The following DIXDC1 variants were observed in gnomAD, a reference collection of about 807,000 sequenced individuals.
DIXDC1 encodes the protein dixin.
In DIXDC1, 64 loss-of-function variants were observed where a neutral mutation model predicts 103.1. That is an observed-to-expected ratio of 0.62 (90% CI 0.51 to 0.76). DIXDC1 has a LOEUF of 0.76. DIXDC1 is among the 30% of genes least tolerant of loss of function. The probability of loss-of-function intolerance (pLI) is 0.00; values close to 1 mark genes in which losing one functional copy is unlikely to be tolerated. For synonymous variants in DIXDC1, 266 were observed against 298.5 expected (o/e 0.89, Z 1.12); for missense variants, 759 against 834.2 (o/e 0.91, Z 1.11).
chr11:111,983,713 G>C (rs1264028889), intron 7 of DIXDC1, among the ~76,000 whole-genome samples: 6 of 152,154 alleles, frequency 3.9e-5, no homozygotes, highest in African/African-American at 1.4e-4. Flanking sequence ...GGAGAAATTC[G>C]ATGGCAGATT....
upstream of DIXDC1, among the ~76,000 whole-genome samples, chr11:111,932,695 C>G (rs1365487664): frequency 6.6e-6 from 1 of 152,138 alleles, no homozygotes; most frequent in Non-Finnish European, 1.5e-5. Flanking sequence ...ACATCCTACT[C>G]TAGTCTTTCA....
chr11:111,979,520 A>T (rs1343108566), intron 5 of DIXDC1, among the ~76,000 whole-genome samples: 8 of 152,140 alleles, frequency 5.3e-5, no homozygotes, highest in African/African-American at 1.9e-4. Context: ...GTGCAAAGAG[A>T]GATGGCTCGA....
chr11:112,017,920 T>C lies in DIXDC1; in HGVS notation c.1971+35T>C, dbSNP rs1861646659. ...CTGTGGGGAGTCTGTATGGTATTAT[T>C]GGTCCTTTCTGAACCCTGAAGCCTC... On this transcript the variant is annotated intron_variant, in intron 19 of 19. Transcript: ENST00000440460. This position sits in a 1 kb window ranked among gnomAD's most constrained non-coding sequence, Gnocchi z 4.0. 2.6e-6 allele frequency: 4 copies of C among 1,531,266 alleles called. No homozygotes were observed. The highest frequency in any genetic ancestry group is 3.6e-6 in the Non-Finnish European group (4 of 1,121,186). The allele number at this position is 1,531,266 out of a possible 1,614,324, so 94.9% of individuals were successfully genotyped here.
At position 111,937,381 on chromosome 11, in the gene DIXDC1, G is replaced by C; in HGVS notation, c.-119G>C. On this transcript the variant is annotated 5_prime_UTR_variant, in exon 1 of 20. Coordinates refer to ENST00000440460, the MANE Select transcript of DIXDC1 (RefSeq NM_001037954.4). ...TCTAGGTTTCCAGTAAGTGGCATGC[G>C]GGACTCCGGAGGGATCCCAATGAGC... is the stretch of plus-strand genomic sequence containing the variant. The C allele has an allele frequency of 1.4e-6, 2 of 1,460,322 alleles. No individual in the cohort carries two copies. Among genetic ancestry groups the C allele is most frequent in the Non-Finnish European group, 9.0e-7 (1 of 1,105,694 alleles). 90.5% of individuals were successfully genotyped at this position (1,460,322 alleles called of 1,614,324 possible). A position where few individuals can be genotyped will look rare whatever the true frequency, so the allele number is the denominator to read the frequency against.
rs945829926 is a variant in DIXDC1, at chr11:112,020,104, G to A, written c.*1068G>A. Reference sequence around the variant, plus strand: ...CCATGGGGCGTGGAGCATGAGTTGTGAATGGCAGGGATCATTCTGGGTAAA... The same window carrying A: ...CCATGGGGCGTGGAGCATGAGTTGTAAATGGCAGGGATCATTCTGGGTAAA... On this transcript the variant is annotated 3_prime_UTR_variant, in exon 20 of 20. Transcript: ENST00000440460. 2 of 152,214 alleles carry A rather than the reference G, an allele frequency of 1.3e-5. No individual in the cohort carries two copies. The highest frequency in any genetic ancestry group is 1.5e-5 in the Non-Finnish European group (1 of 68,032). The allele number at this position is 152,214 out of a possible 1,614,324, so 9.4% of individuals were successfully genotyped here. A position where few individuals can be genotyped will look rare whatever the true frequency, so the allele number is the denominator to read the frequency against.
At chr11:111,973,933 C>T (rs1396902413) in intron 3 of DIXDC1, 90 bp from the exon 4 acceptor site, 6 of 1,249,732 alleles carry the variant, frequency 4.8e-6, no homozygotes, top group Non-Finnish European at 6.7e-6. Flanking sequence ...GTATCACTAG[C>T]AATATGTAAT....
At chr11:112,004,666 C>G (rs1423970566) in intron 17 of DIXDC1, among the ~76,000 whole-genome samples, 2 of 152,184 alleles carry the variant, frequency 1.3e-5, no homozygotes, top group Non-Finnish European at 2.9e-5. Flanking sequence ...AAACAGCATA[C>G]AGAGACTGAC....
chr11:111,959,997 C>T (rs782125228), intron 1 of DIXDC1, among the ~76,000 whole-genome samples: 1 of 152,018 alleles, frequency 6.6e-6, no homozygotes, highest in Non-Finnish European at 1.5e-5. Flanking sequence ...GCAACCTCCA[C>T]CTCCCAGGCT....
chr11:111,930,816 A>AGTGAGAC (rs145221297), intron 2 of DIXDC1, among the ~76,000 whole-genome samples: 5,511 of 147,470 alleles, frequency 0.037, 333 homozygotes, highest in African/African-American at 0.13. Context: ...TGAGCAACAT[A>AGTGAGAC]GTGAGACCCT....
intron 2 of DIXDC1, among the ~76,000 whole-genome samples, chr11:111,967,854 C>T (rs1283841332): frequency 3.9e-5 from 6 of 152,218 alleles, no homozygotes; most frequent in Admixed American, 6.5e-5. Context: ...CAGAAAGCCC[C>T]GCCTGCCCTG....
chr11:111,931,383 C>G (rs1966011784), intron 2 of DIXDC1, among the ~76,000 whole-genome samples: 2 of 151,982 alleles, frequency 1.3e-5, no homozygotes, highest in African/African-American at 4.8e-5. Context: ...GGTGCGGTGG[C>G]TCACGCCTGT....
intron 1 of DIXDC1, among the ~76,000 whole-genome samples, chr11:111,939,891 G>A (rs1164454575): frequency 6.6e-6 from 1 of 152,140 alleles, no homozygotes; most frequent in Admixed American, 6.5e-5. Context: ...GTCAGAATAC[G>A]CTTTAATTCT....
intron 4 of DIXDC1, 74 bp from the exon 5 acceptor site, chr11:111,974,802 T>C: frequency 6.4e-7 from 1 of 1,565,956 alleles, no homozygotes; most frequent in East Asian, 2.4e-5. Context: ...AGAGTGGCAG[T>C]CTCTCTGTAC....
At chr11:111,965,060 A>G (rs1255442728) in intron 2 of DIXDC1, among the ~76,000 whole-genome samples, 1 of 152,190 alleles carries the variant, frequency 6.6e-6, no homozygotes, top group Non-Finnish European at 1.5e-5. Context: ...GGCTTACCAG[A>G]ACTGATATCT....
chr11:111,929,640 G>C (rs1965949801), intron 1 of DIXDC1, among the ~76,000 whole-genome samples: 1 of 150,674 alleles, frequency 6.6e-6, no homozygotes, highest in African/African-American at 2.4e-5. Context: ...TAGCCCTGTT[G>C]TGCTTGTAAT....
At chr11:111,966,048 C>T (rs1859715075) in intron 2 of DIXDC1, among the ~76,000 whole-genome samples, 1 of 152,140 alleles carries the variant, frequency 6.6e-6, no homozygotes, top group South Asian at 2.1e-4. Flanking sequence ...CACCAGCTAC[C>T]CATTTTTCCT....
chr11:112,004,215 TAAA>T (rs1555176358), intron 17 of DIXDC1, among the ~76,000 whole-genome samples: 1 of 151,720 alleles, frequency 6.6e-6, no homozygotes, highest in Non-Finnish European at 1.5e-5. Flanking sequence ...TGCTTTTGGT[TAAA>T]AAAAGGTTGG....
In DIXDC1 at chr11:111,988,457, C is replaced by A. The variant is rs1231735707; in HGVS notation, c.1063-548C>A. Among the ~76,000 whole-genome samples, 9 of 152,096 alleles carry A rather than the reference C, an allele frequency of 5.9e-5. No individual in the cohort carries two copies. In the South Asian group the frequency reaches 1.9e-3, roughly 32 times the overall value. On this transcript the variant is annotated intron_variant, in intron 9 of 19. Coordinates refer to ENST00000440460, the MANE Select transcript of DIXDC1 (RefSeq NM_001037954.4). ...CTAAAATCTATTTCCTAGTGACAAT[C>A]GTATACATATATTTTATCTATTGTA...
chr11:111,979,687 A>G (rs1860233756), intron 5 of DIXDC1, among the ~76,000 whole-genome samples: 1 of 152,214 alleles, frequency 6.6e-6, no homozygotes, highest in Admixed American at 6.5e-5. Flanking sequence ...AGGGCCAGGT[A>G]CGGTGGCCCA....
Sources: gnomAD v4.1 joint callset for allele counts (sites outside exome capture counted in the v4.1 genomes callset) on GRCh38, gnomAD v4.1.1 for gene constraint, Gnocchi (gnomAD v3.1) non-coding constraint, MANE v1.5 for transcripts, NCBI Gene and HGNC (gene_info 2026-07-23, HGNC 2026-07-21) for gene names.